TERB2: variants seen among roughly 807,000 people sequenced by gnomAD.
The protein encoded by TERB2 is telomere repeats-binding bouquet formation protein 2.
In TERB2, 26 loss-of-function variants were observed where a neutral mutation model predicts 29.8. That is an observed-to-expected ratio of 0.87 (90% CI 0.64 to 1.21). The LOEUF is 1.21. Among genes scored for constraint, TERB2 ranks in the 50% most tolerant of loss-of-function variants. TERB2 has a pLI of 0.00. For synonymous variants in TERB2, 80 were observed against 90.8 expected (o/e 0.88, Z 0.68); for missense variants, 240 against 268.6 (o/e 0.89, Z 0.74).
chr15:44,958,306 T>C (rs1891751136), intron 2 of TERB2, 67 bp from the exon 3 acceptor site: 1 of 1,493,210 alleles, frequency 6.7e-7, no homozygotes, highest in African/African-American at 1.4e-5. Context: ...ATTTATTTAT[T>C]CTTTTGAAAG....
rs1461925726 is a variant in TERB2, at chr15:44,973,731, T to C, written c.435-136T>C. On this transcript the variant is annotated intron_variant, in intron 5 of 6. Coordinates refer to ENST00000340827, the MANE Select transcript of TERB2 (RefSeq NM_152448.3). ...TAAAACAAATCCAAATATATACATA[T>C]GTGGTATAGTATACTATAGTAAAGG... 2.8e-5 allele frequency: 16 copies of C among 569,334 alleles called. 1 individual carries two copies. The African/African-American group carries it at 3.2e-4, about 12-fold the overall frequency. The allele number at this position is 569,334 out of a possible 1,614,324, so 35.3% of individuals were successfully genotyped here.
intron 5 of TERB2, chr15:44,970,049 T>G (rs1230690779): frequency 1.3e-5 from 2 of 151,884 alleles, no homozygotes; most frequent in African/African-American, 4.9e-5. Context: ...TAAAGGAAAT[T>G]TTTATTATGT....
chr15:44,964,753 T>C (rs1442060902), intron 4 of TERB2, among the ~76,000 whole-genome samples: 1 of 152,208 alleles, frequency 6.6e-6, no homozygotes, highest in Non-Finnish European at 1.5e-5. Flanking sequence ...ATTATAATAA[T>C]GTAACCATAG....
chr15:44,974,291 A>C (rs1892012254), intron 6 of TERB2, among the ~76,000 whole-genome samples: 1 of 152,216 alleles, frequency 6.6e-6, no homozygotes, highest in South Asian at 2.1e-4. Flanking sequence ...GAACAGCTCC[A>C]ATCAGAGTTT....
intron 6 of TERB2, among the ~76,000 whole-genome samples, chr15:44,977,114 C>T (rs1196114736): frequency 3.3e-5 from 5 of 152,002 alleles, no homozygotes; most frequent in Middle Eastern, 3.4e-3. Context: ...CACACACACA[C>T]ACCCCAGAAA....
At chr15:44,970,702 CT>C in intron 5 of TERB2, 1 of 172,534 alleles carries the variant, frequency 5.8e-6, no homozygotes. Context: ...TACAGCTTAA[CT>C]TTTCCACCTC....
chr15:44,965,428 C>T (rs1891870874), intron 4 of TERB2, among the ~76,000 whole-genome samples: 1 of 133,782 alleles, frequency 7.5e-6, no homozygotes, highest in African/African-American at 2.8e-5. Flanking sequence ...TATTTTATAC[C>T]TTTATAAATA....
At chr15:44,957,063 A>T (rs1891727076) in intron 2 of TERB2, 86 bp downstream of exon 2, 1 of 1,396,872 alleles carries the variant, frequency 7.2e-7, no homozygotes, top group African/African-American at 1.4e-5. Context: ...ATAAATATTG[A>T]TGAGGCTGGG....
intron 5 of TERB2, among the ~76,000 whole-genome samples, chr15:44,971,981 CTT>C (rs71111900): frequency 6.0e-5 from 4 of 66,354 alleles, no homozygotes; most frequent in South Asian, 1.3e-3. Flanking sequence ...GAAATAGAAG[CTT>C]TTTTTTTTTT....
chr15:44,963,920 C>T (rs1196082781), intron 4 of TERB2, among the ~76,000 whole-genome samples: 12 of 147,258 alleles, frequency 8.1e-5, no homozygotes, highest in Non-Finnish European at 1.6e-4. Flanking sequence ...AAGCGATTCT[C>T]GTGCCTCAGC....
At position 44,959,436 on chromosome 15, in the gene TERB2, T is replaced by C. The variant is rs560099585; in HGVS notation, c.286+924T>C. Among the ~76,000 whole-genome samples the C allele has an allele frequency of 7.9e-5, 12 of 152,288 alleles. No homozygotes were observed. The South Asian group carries it at 2.5e-3, about 32-fold the overall frequency. On this transcript the variant is annotated intron_variant, in intron 3 of 6. Coordinates refer to ENST00000340827, the MANE Select transcript of TERB2 (RefSeq NM_152448.3). ...CAGGCTGGAGTGCAATGGTGTGATCTCAGCTCACTGCAACTCCACCTCCTG... is the reference window on the plus strand; with the variant it reads ...CAGGCTGGAGTGCAATGGTGTGATCCCAGCTCACTGCAACTCCACCTCCTG...
In TERB2 at chr15:44,958,501, G is replaced by T. The variant is rs763030738; in HGVS notation, c.275G>T (p.Cys92Phe). 3.7e-6 allele frequency: 6 copies of T among 1,611,056 alleles called. No homozygotes were observed. In the East Asian group the frequency reaches 1.3e-4, roughly 36 times the overall value. ...ALGHFILPPA[C>F]LQKEIRRKIG... ...GGTCATTTCATTCTTCCTCCTGCGT[G>T]CCTGCAAAAAGGTTAGCAAAGATCA... is the stretch of plus-strand genomic sequence containing the variant. Residue 92 changes from cysteine (C) to phenylalanine (F), a missense_variant, in exon 3 of 7, where the codon TGC (cysteine) becomes TTC (phenylalanine). Cys to Phe is a radical substitution (Grantham distance 205, BLOSUM62 -2). Transcript: ENST00000340827.
chr15:44,973,828 A>T, intron 5 of TERB2, 39 bp from the exon 6 acceptor site: 1 of 1,432,436 alleles, frequency 7.0e-7, no homozygotes, highest in Non-Finnish European at 9.3e-7. Flanking sequence ...ACATATATAT[A>T]CTATGTATGT....
At chr15:44,978,242 A>G (rs573510058) in intron 6 of TERB2, among the ~76,000 whole-genome samples, 1 of 152,304 alleles carries the variant, frequency 6.6e-6, no homozygotes, top group Non-Finnish European at 1.5e-5. Flanking sequence ...CTCAATAGTC[A>G]AAGCAGCTTT....
At chr15:44,964,438 A>G (rs1891853971) in intron 4 of TERB2, among the ~76,000 whole-genome samples, 1 of 152,172 alleles carries the variant, frequency 6.6e-6, no homozygotes, top group Non-Finnish European at 1.5e-5. Flanking sequence ...GTGAGCAGTA[A>G]TGCAATGGTT....
chr15:44,969,194 C>T (rs572878922), intron 5 of TERB2, among the ~76,000 whole-genome samples: 2 of 152,286 alleles, frequency 1.3e-5, no homozygotes, highest in South Asian at 2.1e-4. Context: ...ACCTCCACCT[C>T]CTGGGTTCAA....
At chr15:44,958,841 G>A (rs1357075244) in intron 3 of TERB2, among the ~76,000 whole-genome samples, 1 of 152,186 alleles carries the variant, frequency 6.6e-6, no homozygotes, top group African/African-American at 2.4e-5. Context: ...TACTAGTTTT[G>A]TGATCATTTA....
Position 44,958,488 on chromosome 15 carries a change from C to A in TERB2, c.262C>A (p.Leu88Ile). ...KNSVALGHFI[L>I]PPACLQKEIR... Reference sequence around the variant, plus strand: ...CTCGGTGGCTTTGGGTCATTTCATTCTTCCTCCTGCGTGCCTGCAAAAAGG... The same window carrying A: ...CTCGGTGGCTTTGGGTCATTTCATTATTCCTCCTGCGTGCCTGCAAAAAGG... The change falls in exon 3 of 7, where the codon CTT becomes ATT. Residue 88 changes from leucine (L) to isoleucine (I), a missense_variant. Physicochemically the swap from Leu to Ile is conservative, Grantham distance 5 (BLOSUM62 2). Transcript: ENST00000340827. 6.2e-7 allele frequency: 1 copy of A among 1,613,460 alleles called. No individual in the cohort carries two copies. Among genetic ancestry groups the A allele is most frequent in the Non-Finnish European group, 8.5e-7 (1 of 1,179,654 alleles).
rs1595480426 is a variant in TERB2, at chr15:44,978,499, A to G, written c.534A>G (p.Ser178=). ...PVNNMVTGYI[S]IDAMKKFLGE... ...AATTTTATTTTGTAGGTTATATATCAATTGATGCCATGAAGAAATTCCTTG... is the reference window on the plus strand; with the variant it reads ...AATTTTATTTTGTAGGTTATATATCGATTGATGCCATGAAGAAATTCCTTG... Residue 178 remains serine (S), a synonymous_variant, in exon 7 of 7, where the codon TCA becomes TCG. Coordinates refer to ENST00000340827, the MANE Select transcript of TERB2 (RefSeq NM_152448.3). 6.2e-7 allele frequency: 1 copy of G among 1,602,876 alleles called. No individual in the cohort carries two copies. Among genetic ancestry groups the G allele is most frequent in the Non-Finnish European group, 8.5e-7 (1 of 1,174,830 alleles).
Sources: allele counts gnomAD v4.1 joint callset (sites outside exome capture counted in the v4.1 genomes callset), GRCh38; gene constraint gnomAD v4.1.1; transcripts MANE v1.5; gene names NCBI Gene and HGNC (gene_info 2026-07-23, HGNC 2026-07-21).